PHF8: variants seen among roughly 807,000 people sequenced by gnomAD.
The protein encoded by PHF8 is PHD finger protein 8, also known as histone lysine demethylase PHF8.
In PHF8, 9 loss-of-function variants were observed where a neutral mutation model predicts 74.4. That is an observed-to-expected ratio of 0.12 (90% CI 0.07 to 0.21). PHF8 has a LOEUF of 0.21. Among genes scored for constraint, PHF8 ranks in the 10% least tolerant of loss-of-function variants. The pLI is 1.00. For synonymous variants in PHF8, 311 were observed against 316.6 expected (o/e 0.98, Z 0.19); for missense variants, 478 against 816.6 (o/e 0.59, Z 5.05).
At chrX:54,011,023 A>G in intron 8 of PHF8, 99 bp downstream of exon 8, 1 of 774,460 alleles carries the variant, frequency 1.3e-6, no homozygotes, top group Admixed American at 2.3e-5. Flanking sequence ...TGATATGAGA[A>G]AGACATCCCA....
intron 2 of PHF8, among the ~76,000 whole-genome samples, chrX:54,031,233 G>A (rs1204997397): frequency 1.8e-5 from 2 of 111,290 alleles, no homozygotes; most frequent in African/African-American, 6.5e-5. Flanking sequence ...ATGTGGAACT[G>A]AGTGGGAGCT....
At chrX:53,964,772 C>T (rs1253471563) in intron 18 of PHF8, among the ~76,000 whole-genome samples, 2 of 106,947 alleles carry the variant, frequency 1.9e-5, no homozygotes, top group African/African-American at 3.4e-5. Context: ...GAGGCTGACG[C>T]AGGAGAATCA....
Position 53,944,197 on chromosome X carries a change from C to T in PHF8, c.2586G>A (p.Glu862=), listed in dbSNP as rs782060370. 6.6e-6 allele frequency: 8 copies of T among 1,208,970 alleles called. No individual in the cohort carries two copies. The East Asian group carries it at 1.2e-4, about 18-fold the overall frequency. ...TCTCAATAGAGGCTACCCGGGTCCC[C>T]TCACGCACAGGACGGTCCTGCTTCG... ...TLPKQDRPVR[E]GTRVASIETG... Residue 862 remains glutamate (E), a synonymous_variant, in exon 20 of 22, where the codon GAG becomes GAA. Coordinates refer to ENST00000338154, the MANE Select transcript of PHF8 (RefSeq NM_015107.3).
chrX:53,982,465 GTACT>G lies in PHF8; in HGVS notation c.2443+2445_2443+2448del, dbSNP rs781915445. On this transcript the variant is annotated intron_variant, in intron 18 of 21. Transcript: ENST00000338154. Reference sequence around the variant, plus strand: ...TAATATTAATAATATCTAATACACAGTACTTACTTATCATGTGCTGGGCAATGTT... The same window carrying G: ...TAATATTAATAATATCTAATACACAGTACTTATCATGTGCTGGGCAATGTT... 2.7e-5 allele frequency among the ~76,000 whole-genome samples: 3 copies of G among 112,711 alleles called. No homozygotes were observed. The Admixed American group carries it at 2.8e-4, about 11-fold the overall frequency.
chrX:54,045,623 C>T (rs1557117331), upstream of PHF8, among the ~76,000 whole-genome samples: 1 of 112,820 alleles, frequency 8.9e-6, no homozygotes, highest in African/African-American at 3.2e-5. Flanking sequence ...AAGCTGCTTG[C>T]AGCTGCTGTA....
chrX:53,974,497 T>G (rs966161765), intron 18 of PHF8, among the ~76,000 whole-genome samples: 3 of 111,884 alleles, frequency 2.7e-5, no homozygotes, highest in Non-Finnish European at 5.6e-5. Context: ...GAAGACAGCA[T>G]GGTGATTCCT....
rs369567282 is a variant in PHF8 at position 54,043,924 on chromosome X, G to A, written c.-255C>T. ...CAGCGACACGCCGGCAGCCGGGCTA[G>A]CTCCGGGACTGCGAAGCGCCTCAGC... On this transcript the variant is annotated 5_prime_UTR_variant, in exon 1 of 22. Transcript: ENST00000338154. The A allele has an allele frequency of 1.3e-6, 1 of 754,808 alleles. No individual in the cohort carries two copies. Among genetic ancestry groups the A allele is most frequent in the African/African-American group, 2.3e-5 (1 of 44,051 alleles). The allele number at this position is 754,808 out of a possible 1,213,427, so 62.2% of individuals were successfully genotyped here.
chrX:53,973,899 G>T (rs1393021372), intron 18 of PHF8, among the ~76,000 whole-genome samples: 1 of 111,365 alleles, frequency 9.0e-6, no homozygotes, highest in Non-Finnish European at 1.9e-5. Context: ...TATCCATCTG[G>T]CAAAGGTATA....
intron 12 of PHF8, chrX:53,995,031 T>C (rs2076479921): frequency 7.1e-6 from 2 of 280,123 alleles, no homozygotes; most frequent in Non-Finnish European, 1.4e-5. Context: ...TCCTGAAAGG[T>C]TGATGTTATC....
intron 19 of PHF8, among the ~76,000 whole-genome samples, chrX:53,946,685 T>C (rs1557085246): frequency 8.9e-6 from 1 of 112,309 alleles, no homozygotes; most frequent in African/African-American, 3.2e-5. Flanking sequence ...TAGACCCTGA[T>C]TTAAACAAAT....
chrX:54,027,128 A>ATTATTCCT lies in PHF8; in HGVS notation c.99-4286_99-4285insAGGAATAA, dbSNP rs2146472756. 3.6e-5 allele frequency among the ~76,000 whole-genome samples: 4 copies of ATTATTCCT among 110,286 alleles called. No individual in the cohort carries two copies. The South Asian group carries it at 1.5e-3, about 43-fold the overall frequency. The stretch of plus-strand genomic sequence containing the variant: ...GGTCACATGTTTTCTTACCTTCTCA[A>ATTATTCCT]TCAATTATTCCTTCTTTCTGCAGTA... On this transcript the variant is annotated intron_variant, in intron 2 of 21. Coordinates refer to ENST00000338154, the MANE Select transcript of PHF8 (RefSeq NM_015107.3).
At chrX:53,943,252 T>A in intron 20 of PHF8, 1 of 955,901 alleles carries the variant, frequency 1.0e-6, no homozygotes, top group Non-Finnish European at 1.4e-6. Context: ...AAACACTATT[T>A]AAATAGGATG....
chrX:53,972,295 C>T (rs1389218083), intron 18 of PHF8, among the ~76,000 whole-genome samples: 1 of 98,666 alleles, frequency 1.0e-5, no homozygotes, highest in African/African-American at 3.8e-5. Flanking sequence ...TGCACTTCAG[C>T]CTGGTGACAG....
intron 18 of PHF8, among the ~76,000 whole-genome samples, chrX:53,964,274 C>G (rs2065146018): frequency 9.0e-6 from 1 of 110,816 alleles, no homozygotes; most frequent in Non-Finnish European, 1.9e-5. Context: ...AGGAGAAATA[C>G]CTAATGTAGA....
chrX:53,938,825 C>G lies in PHF8; in HGVS notation c.*333G>C, dbSNP rs1477048504. 2.4e-6 allele frequency: 2 copies of G among 819,254 alleles called. No individual in the cohort carries two copies. Among genetic ancestry groups the G allele is most frequent in the African/African-American group, 4.4e-5 (2 of 45,960 alleles). The allele number at this position is 819,254 out of a possible 1,213,427, so 67.5% of individuals were successfully genotyped here. A position where few individuals can be genotyped will look rare whatever the true frequency, so the allele number is the denominator to read the frequency against. On this transcript the variant is annotated 3_prime_UTR_variant, in exon 22 of 22. Transcript: ENST00000338154. ...TCCTTCATACCTCTCCTCATCCTGC[C>G]TTCCAGCTCTAGCGGGGGATGAAGA...
chrX:54,046,053 G>A (rs1170445480), upstream of PHF8, among the ~76,000 whole-genome samples: 4 of 110,421 alleles, frequency 3.6e-5, no homozygotes, highest in African/African-American at 1.3e-4. Flanking sequence ...GACTCAAGCG[G>A]TCCTTCCGCC....
intron 7 of PHF8, among the ~76,000 whole-genome samples, chrX:54,012,460 G>C (rs1557106980): frequency 9.0e-6 from 1 of 111,612 alleles, no homozygotes. Flanking sequence ...ACTTGGACAA[G>C]AGCCACAATC....
chrX:53,970,029 GAA>G (rs1249496526), intron 18 of PHF8, among the ~76,000 whole-genome samples: 8 of 112,200 alleles, frequency 7.1e-5, no homozygotes, highest in Non-Finnish European at 1.5e-4. Flanking sequence ...ACTACTACAA[GAA>G]AATACTGGGG....
chrX:53,976,438 AT>A (rs1488346834), intron 18 of PHF8, among the ~76,000 whole-genome samples: 1 of 111,740 alleles, frequency 8.9e-6, no homozygotes, highest in African/African-American at 3.2e-5. Flanking sequence ...TCTTAACTAC[AT>A]TAAGAGTGGA....
Sources: allele counts gnomAD v4.1 joint callset (sites outside exome capture counted in the v4.1 genomes callset), GRCh38; gene constraint gnomAD v4.1.1; transcripts MANE v1.5; gene names NCBI Gene and HGNC (gene_info 2026-07-23, HGNC 2026-07-21).